TSC22D1: variants seen among roughly 807,000 people sequenced by gnomAD.
TSC22D1 encodes the protein TSC22 domain family member 1, also known as TSC22 domain family protein 1.
In TSC22D1, 9 loss-of-function variants were observed where a neutral mutation model predicts 74.2. That is an observed-to-expected ratio of 0.12 (90% CI 0.07 to 0.21). The LOEUF is 0.21. Among genes scored for constraint, TSC22D1 ranks in the 10% least tolerant of loss-of-function variants. TSC22D1 has a pLI of 1.00. For missense variants in TSC22D1, 1,427 were observed against 1,304.7 expected, an observed-to-expected ratio of 1.09 and a Z score of -1.44; for synonymous variants, 586 against 492.5, an observed-to-expected ratio of 1.19 and a Z score of -2.51.
At position 44,472,891 on chromosome 13, in the gene TSC22D1, T is replaced by C. The variant is rs565436652; in HGVS notation, c.2913-36796A>G. On this transcript the variant is annotated intron_variant, in intron 1 of 2. Coordinates refer to ENST00000458659, the MANE Select transcript of TSC22D1 (RefSeq NM_183422.4). ...GTACAACTGCAGTAGTCCATTTTCA[T>C]GCTGTGGATAAAGACCTGAGATTGG... Among the ~76,000 whole-genome samples, 12 of 152,312 alleles carry C rather than the reference T, an allele frequency of 7.9e-5. No homozygotes were observed. In the South Asian group the frequency reaches 2.5e-3, roughly 32 times the overall value.
intron 1 of TSC22D1, chr13:44,539,643 A>G: frequency 8.7e-7 from 1 of 1,145,972 alleles, no homozygotes; most frequent in Non-Finnish European, 1.1e-6. Context: ...TCAGAAAAAC[A>G]AAACAGATTG....
chr13:44,541,667 G>A (rs1191869881), intron 1 of TSC22D1, among the ~76,000 whole-genome samples: 1 of 152,034 alleles, frequency 6.6e-6, no homozygotes, highest in Non-Finnish European at 1.5e-5. Flanking sequence ...CAATGAGGAG[G>A]TATATGATGG....
At chr13:44,570,571 G>T (rs1384412588) in intron 1 of TSC22D1, among the ~76,000 whole-genome samples, 1 of 152,062 alleles carries the variant, frequency 6.6e-6, no homozygotes, top group Non-Finnish European at 1.5e-5. Flanking sequence ...CATGTTTATA[G>T]TCTCTCCCAG....
intron 1 of TSC22D1, among the ~76,000 whole-genome samples, chr13:44,525,364 A>C (rs1334278234): frequency 1.3e-5 from 2 of 152,202 alleles, no homozygotes. Context: ...AGGCAGGAGG[A>C]TCACTTGAGC....
At chr13:44,522,033 TA>T (rs1441047986) in intron 1 of TSC22D1, among the ~76,000 whole-genome samples, 1 of 152,220 alleles carries the variant, frequency 6.6e-6, no homozygotes, top group East Asian at 1.9e-4. Flanking sequence ...TATATGCTTT[TA>T]AATTGGGCAA....
intron 1 of TSC22D1, among the ~76,000 whole-genome samples, chr13:44,559,867 T>C (rs1044999558): frequency 6.6e-6 from 1 of 151,982 alleles, no homozygotes; most frequent in Admixed American, 6.6e-5. Context: ...CATTTTTGTA[T>C]TTTTAGTAGA....
chr13:44,515,984 A>G (rs1188573643), intron 1 of TSC22D1, among the ~76,000 whole-genome samples: 1 of 152,128 alleles, frequency 6.6e-6, no homozygotes, highest in Non-Finnish European at 1.5e-5. Flanking sequence ...ATATAAACAA[A>G]ATCCACACTT....
Position 44,478,982 on chromosome 13 carries a change from A to G in TSC22D1, c.2913-42887T>C, listed in dbSNP as rs546394544. ...GTGTAGCTTTTCAGTCAGGCTCTCT[A>G]TCCTGTATCATCAAAGATTATAGGT... On this transcript the variant is annotated intron_variant, in intron 1 of 2. Transcript: ENST00000458659. 3.3e-5 allele frequency among the ~76,000 whole-genome samples: 5 copies of G among 152,186 alleles called. No homozygotes were observed. The East Asian group carries it at 9.6e-4, about 29-fold the overall frequency.
At chr13:44,539,040 C>T in intron 1 of TSC22D1, 1 of 985,312 alleles carries the variant, frequency 1.0e-6, no homozygotes, top group Non-Finnish European at 1.2e-6. Context: ...GGAATCAAAT[C>T]CTACCCTTGG....
chr13:44,432,963 C>T lies in TSC22D1; in HGVS notation c.*1663G>A, dbSNP rs548312749. ...AGTCATGCAGAATCAACTGCAAGGA[C>T]ATCCTTGCTCATCTGGTCCCACCTC... On this transcript the variant is annotated 3_prime_UTR_variant, in exon 3 of 3. Transcript: ENST00000458659. 2 of 152,330 alleles carry T rather than the reference C, an allele frequency of 1.3e-5. No individual in the cohort carries two copies. The highest frequency in any genetic ancestry group is 4.8e-5 in the African/African-American group (2 of 41,580). The allele number at this position is 152,330 out of a possible 1,614,324, so 9.4% of individuals were successfully genotyped here. A position where few individuals can be genotyped will look rare whatever the true frequency, so the allele number is the denominator to read the frequency against.
At chr13:44,497,401 G>GA (rs1294753568) in intron 1 of TSC22D1, among the ~76,000 whole-genome samples, 1 of 152,168 alleles carries the variant, frequency 6.6e-6, no homozygotes, top group Non-Finnish European at 1.5e-5. Flanking sequence ...GGCAAACTGG[G>GA]AATTGCCACT....
At chr13:44,477,019 G>A (rs1045163446) in intron 1 of TSC22D1, among the ~76,000 whole-genome samples, 9 of 151,958 alleles carry the variant, frequency 5.9e-5, no homozygotes, top group South Asian at 4.2e-4. Flanking sequence ...TTGCTCTGTC[G>A]CCCAGGCTGG....
Position 44,487,124 on chromosome 13 carries a change from T to C in TSC22D1, c.2913-51029A>G, listed in dbSNP as rs1413588159. Among the ~76,000 whole-genome samples the C allele has an allele frequency of 2.0e-5, 3 of 152,194 alleles. No individual in the cohort carries two copies. The East Asian group carries it at 5.8e-4, about 29-fold the overall frequency. On this transcript the variant is annotated intron_variant, in intron 1 of 2. Coordinates refer to ENST00000458659, the MANE Select transcript of TSC22D1 (RefSeq NM_183422.4). ...AAAACTTTTCTAGAGATTTTACATA[T>C]ATATAAAATTATTTACTCTCCAGCT...
At chr13:44,572,902 T>C (rs1418416917) in intron 1 of TSC22D1, among the ~76,000 whole-genome samples, 2 of 152,216 alleles carry the variant, frequency 1.3e-5, no homozygotes, top group East Asian at 1.9e-4. Flanking sequence ...ATAAAACCAC[T>C]TGGCGCCCCC....
chr13:44,567,548 T>G (rs535493331), intron 1 of TSC22D1, among the ~76,000 whole-genome samples: 1 of 151,248 alleles, frequency 6.6e-6, no homozygotes, highest in Admixed American at 6.6e-5. Context: ...TATATTCAGA[T>G]AGCTAAGAAA....
At position 44,517,821 on chromosome 13, in the gene TSC22D1, GTGTGTGTGTATATATATA is replaced by G. The variant is rs1362345975; in HGVS notation, c.2912+55324_2912+55341del. On this transcript the variant is annotated intron_variant, in intron 1 of 2. Coordinates refer to ENST00000458659, the MANE Select transcript of TSC22D1 (RefSeq NM_183422.4). ...TATACACACATATATATGTGTGTGT[GTGTGTGTGTATATATATA>G]TATATATATATATATATATTTTTTT... Among the ~76,000 whole-genome samples the G allele has an allele frequency of 3.7e-4, 12 of 32,646 alleles. 1 individual carries two copies. The highest frequency in any genetic ancestry group is 1.3e-3 in the African/African-American group (12 of 9,296). The allele number at this position is 32,646 out of a possible 152,430, so 21.4% of individuals were successfully genotyped here.
Position 44,432,947 on chromosome 13 carries a change from G to A in TSC22D1, c.*1679C>T, listed in dbSNP as rs1874172436. The A allele has an allele frequency of 6.6e-6, 1 of 152,166 alleles. No individual in the cohort carries two copies. The highest frequency in any genetic ancestry group is 1.5e-5 in the Non-Finnish European group (1 of 68,018). 9.4% of individuals were successfully genotyped at this position (152,166 alleles called of 1,614,324 possible). A position where few individuals can be genotyped will look rare whatever the true frequency, so the allele number is the denominator to read the frequency against. ...TTTTGGCCTGTTTTATAGTCATGCA[G>A]AATCAACTGCAAGGACATCCTTGCT... is the stretch of plus-strand genomic sequence containing the variant. On this transcript the variant is annotated 3_prime_UTR_variant, in exon 3 of 3. Transcript: ENST00000458659.
At chr13:44,509,242 A>G (rs916560001) in intron 1 of TSC22D1, among the ~76,000 whole-genome samples, 1 of 152,222 alleles carries the variant, frequency 6.6e-6, no homozygotes, top group South Asian at 2.1e-4. Context: ...TGAAGCCAAG[A>G]TTATTACGCT....
intron 1 of TSC22D1, among the ~76,000 whole-genome samples, chr13:44,466,912 C>T (rs9525958): frequency 0.033 from 5,058 of 152,226 alleles, 123 homozygotes; most frequent in Non-Finnish European, 0.052. Context: ...CCTGTAATCC[C>T]AGCACTTTGG....
Sources: allele counts gnomAD v4.1 joint callset (sites outside exome capture counted in the v4.1 genomes callset), GRCh38; gene constraint gnomAD v4.1.1; transcripts MANE v1.5; gene names NCBI Gene and HGNC (gene_info 2026-07-23, HGNC 2026-07-21).